Variants in TTLL7 observed in about 807,000 individuals in gnomAD.
The protein encoded by TTLL7 is tubulin tyrosine ligase like 7, also known as tubulin polyglutamylase TTLL7.
TTLL7 carries 53 observed loss-of-function variants against 120.2 expected under a neutral mutation model. The ratio of observed to expected loss-of-function variants is 0.44; its 90% CI spans 0.35 to 0.55. TTLL7 has a LOEUF of 0.55. Ranked by LOEUF, TTLL7 falls within the 20% of genes least tolerant of loss-of-function variation. The probability of loss-of-function intolerance (pLI) is 0.00; values close to 1 mark genes in which losing one functional copy is unlikely to be tolerated. For synonymous variants in TTLL7, 353 were observed against 351.7 expected, an observed-to-expected ratio of 1.00 and a Z score of -0.04; for missense variants, 803 against 1,054.7, an observed-to-expected ratio of 0.76 and a Z score of 3.31.
chr1:83,872,963 C>A (rs571347200), intron 20 of TTLL7, among the ~76,000 whole-genome samples: 1 of 152,276 alleles, frequency 6.6e-6, no homozygotes, highest in African/African-American at 2.4e-5. Flanking sequence ...TCCATACAGG[C>A]TAGCTCCAGC....
At chr1:83,931,287 CA>C (rs1242534773) in intron 9 of TTLL7, among the ~76,000 whole-genome samples, 4 of 151,884 alleles carry the variant, frequency 2.6e-5, no homozygotes, top group Non-Finnish European at 5.9e-5. Flanking sequence ...AAAGTTTTAT[CA>C]AAACAATCAC....
At chr1:83,916,380 C>A (rs1658185220) in intron 14 of TTLL7, among the ~76,000 whole-genome samples, 1 of 151,730 alleles carries the variant, frequency 6.6e-6, no homozygotes, top group Non-Finnish European at 1.5e-5. Context: ...CCTCAGCAAA[C>A]TATTGCAAGG....
Position 83,921,314 on chromosome 1 carries a change from CT to C in TTLL7, c.1222del (p.Arg408GlyfsTer23). 6.2e-7 allele frequency: 1 copy of C among 1,612,986 alleles called. No individual in the cohort carries two copies. Among genetic ancestry groups the C allele is most frequent in the Non-Finnish European group, 8.5e-7 (1 of 1,179,794 alleles). On this transcript the variant is annotated frameshift_variant, in exon 11 of 21. Coordinates refer to ENST00000260505, the MANE Select transcript of TTLL7 (RefSeq NM_024686.6). LOFTEE classifies it high-confidence loss of function. The part of the protein sequence containing the change: ...RRLYGQNSIK[R>X]LLPGSSDWEQ... ...CCAGTCTGAGGAGCCTGGTAAGAGCCTTTTAATTGAATTTTGACCATAGAGC... is the reference window on the plus strand; with the variant it reads ...CCAGTCTGAGGAGCCTGGTAAGAGCCTTTAATTGAATTTTGACCATAGAGC...
chr1:83,933,378 G>A (rs1001804403), intron 9 of TTLL7, among the ~76,000 whole-genome samples: 1 of 152,120 alleles, frequency 6.6e-6, no homozygotes, highest in Non-Finnish European at 1.5e-5. Context: ...CAAATACCTG[G>A]CCTAGAAACT....
At chr1:83,905,835 G>A (rs949599664) in intron 17 of TTLL7, among the ~76,000 whole-genome samples, 3 of 151,904 alleles carry the variant, frequency 2.0e-5, no homozygotes, top group African/African-American at 7.2e-5. Context: ...ACATGTGTGT[G>A]TAACAAGAAA....
intron 1 of TTLL7, among the ~76,000 whole-genome samples, chr1:83,955,118 T>A (rs1449911757): frequency 6.6e-6 from 1 of 152,188 alleles, no homozygotes; most frequent in African/African-American, 2.4e-5. Context: ...AAATTCCACA[T>A]AAAATACCAC....
In TTLL7 at chr1:83,869,829, A is replaced by G; in HGVS notation, c.*133T>C. On this transcript the variant is annotated 3_prime_UTR_variant, in exon 21 of 21. Transcript: ENST00000260505. ...ATATGTTATTAGGGTGCATATGTGC[A>G]TATATTTTCACACATATATATGTCT... 3 of 831,110 alleles carry G rather than the reference A, an allele frequency of 3.6e-6. No homozygotes were observed. Among genetic ancestry groups the G allele is most frequent in the Non-Finnish European group, 5.3e-6 (3 of 561,808 alleles). 51.5% of individuals were successfully genotyped at this position (831,110 alleles called of 1,614,324 possible). A position where few individuals can be genotyped will look rare whatever the true frequency, so the allele number is the denominator to read the frequency against.
At chr1:83,907,349 G>T in intron 16 of TTLL7, 107 bp downstream of exon 16, 1 of 975,996 alleles carries the variant, frequency 1.0e-6, no homozygotes, top group Non-Finnish European at 1.6e-6. Context: ...GTCATGAGTT[G>T]AATTATGGAA....
chr1:83,993,124 A>G (rs1246546164), intron 1 of TTLL7, among the ~76,000 whole-genome samples: 1 of 152,204 alleles, frequency 6.6e-6, no homozygotes, highest in African/African-American at 2.4e-5. Context: ...TAGTGTTAAG[A>G]CCACATCAAT....
intron 17 of TTLL7, among the ~76,000 whole-genome samples, chr1:83,905,048 C>T (rs1043778939): frequency 5.9e-5 from 9 of 151,672 alleles, no homozygotes; most frequent in Non-Finnish European, 1.2e-4. Flanking sequence ...TTTTCTTCTA[C>T]CTGATTCAAA....
chr1:83,922,540 A>T (rs1009690914), intron 10 of TTLL7, among the ~76,000 whole-genome samples: 7 of 152,174 alleles, frequency 4.6e-5, no homozygotes, highest in African/African-American at 1.7e-4. Flanking sequence ...TCATGACAAC[A>T]TTCAGGCTTG....
intron 18 of TTLL7, among the ~76,000 whole-genome samples, chr1:83,892,955 G>GAAAGAA (rs1246789021): frequency 2.5e-5 from 2 of 78,930 alleles, no homozygotes; most frequent in Non-Finnish European, 5.8e-5. Context: ...AGAAAGAAAA[G>GAAAGAA]AATAAAAGAA....
At position 83,904,089 on chromosome 1, in the gene TTLL7, T is replaced by C. The variant is rs922077317; in HGVS notation, c.2198A>G (p.Lys733Arg). Residue 733 changes from lysine (K) to arginine (R), a missense_variant, in exon 18 of 21, where the codon AAA becomes AGA. Physicochemically the swap from Lys to Arg is conservative, Grantham distance 26. Coordinates refer to ENST00000260505, the MANE Select transcript of TTLL7 (RefSeq NM_024686.6). ...SYWLIKLDSVKQRKVLDIVKT... is the reference protein window; with the variant it reads ...SYWLIKLDSVRQRKVLDIVKT... The stretch of plus-strand genomic sequence containing the variant: ...TTGAGCATTACTCACTTTTCGTTGT[T>C]TTACAGAGTCCAATTTTATGAGCCA... 2.5e-6 allele frequency: 4 copies of C among 1,611,716 alleles called. No individual in the cohort carries two copies. The highest frequency in any genetic ancestry group is 3.4e-6 in the Non-Finnish European group (4 of 1,178,812).
intron 15 of TTLL7, among the ~76,000 whole-genome samples, chr1:83,909,581 G>A (rs370964441): frequency 8.6e-5 from 13 of 151,640 alleles, no homozygotes; most frequent in African/African-American, 1.7e-4. Context: ...ACAATTCCTC[G>A]TGAATATAAA....
Position 83,894,167 on chromosome 1 carries a change from A to T in TTLL7, c.2209-3686T>A, listed in dbSNP as rs575754583. Among the ~76,000 whole-genome samples, 71 of 152,152 alleles carry T rather than the reference A, an allele frequency of 4.7e-4. 1 individual carries two copies. Among genetic ancestry groups the T allele is most frequent in the African/African-American group, 1.6e-3 (68 of 41,540 alleles). ...ATTTTTCTTCTCACTTTTCCTTTCT[A>T]CTTTCTGTCAATATATTAGTAAGTA... On this transcript the variant is annotated intron_variant, in intron 18 of 20. Transcript: ENST00000260505.
intron 7 of TTLL7, among the ~76,000 whole-genome samples, chr1:83,940,528 A>G (rs1647856098): frequency 1.3e-5 from 2 of 152,134 alleles, no homozygotes; most frequent in Non-Finnish European, 2.9e-5. Flanking sequence ...CCTTATCACA[A>G]TGAGTAATAC....
chr1:83,932,736 T>C (rs1263589440), intron 9 of TTLL7, among the ~76,000 whole-genome samples: 1 of 152,112 alleles, frequency 6.6e-6, no homozygotes, highest in Admixed American at 6.6e-5. Context: ...AAAAGAGAGA[T>C]ACTTGATTTA....
intron 1 of TTLL7, among the ~76,000 whole-genome samples, chr1:83,981,867 T>C (rs1652000362): frequency 1.3e-5 from 2 of 151,008 alleles, no homozygotes; most frequent in African/African-American, 4.9e-5. Flanking sequence ...TAGCTGGGGA[T>C]TTCAATACCC....
intron 14 of TTLL7, among the ~76,000 whole-genome samples, chr1:83,916,219 T>G (rs1658146779): frequency 6.6e-6 from 1 of 152,090 alleles, no homozygotes; most frequent in Admixed American, 6.6e-5. Flanking sequence ...CTATTCACAA[T>G]AGCAAAGACT....
Sources: gnomAD v4.1 joint callset for allele counts (sites outside exome capture counted in the v4.1 genomes callset) on GRCh38, gnomAD v4.1.1 for gene constraint, MANE v1.5 for transcripts, NCBI Gene and HGNC (gene_info 2026-07-23, HGNC 2026-07-21) for gene names.